FHIT: variants seen among roughly 807,000 people sequenced by gnomAD.
The protein encoded by FHIT is fragile histidine triad diadenosine triphosphatase.
Under a neutral mutation model 17.9 loss-of-function variants are expected in FHIT, and 19 were observed. The observed-to-expected ratio is 1.06, with a 90% CI of 0.74 to 1.56. The LOEUF is 1.56. FHIT is among the 40% of genes most tolerant of loss of function. The probability of loss-of-function intolerance (pLI) is 0.00; values close to 1 mark genes in which losing one functional copy is unlikely to be tolerated. For missense variants in FHIT, 248 were observed against 189.2 expected, an observed-to-expected ratio of 1.31 and a Z score of -1.82; for synonymous variants, 81 against 69.7, an observed-to-expected ratio of 1.16 and a Z score of -0.81.
intron 4 of FHIT, among the ~76,000 whole-genome samples, chr3:60,784,528 G>A (rs541779118): frequency 1.3e-5 from 2 of 152,214 alleles, no homozygotes; most frequent in East Asian, 3.9e-4. Context: ...TAGAGATGGG[G>A]TTTTGCCATG....
intron 5 of FHIT, among the ~76,000 whole-genome samples, chr3:60,163,725 G>A (rs887575888): frequency 1.7e-4 from 26 of 152,094 alleles, no homozygotes; most frequent in African/African-American, 6.0e-4. Flanking sequence ...GGTCTGCACC[G>A]AGCATCATGG....
At chr3:60,821,683 G>C (rs1553739391) in intron 4 of FHIT, among the ~76,000 whole-genome samples, 1 of 152,128 alleles carries the variant, frequency 6.6e-6, no homozygotes, top group East Asian at 1.9e-4. Context: ...AGAAAGTGAA[G>C]TCATCATTCT....
At chr3:61,219,349 G>A (rs58820408) in intron 1 of FHIT, among the ~76,000 whole-genome samples, 3 of 132,532 alleles carry the variant, frequency 2.3e-5, no homozygotes, top group East Asian at 2.1e-4. Flanking sequence ...GTGTGTGTGT[G>A]TGTGTGTGTG....
intron 5 of FHIT, among the ~76,000 whole-genome samples, chr3:60,358,378 AAGGATG>A (rs1184090956): frequency 2.0e-5 from 3 of 152,166 alleles, no homozygotes; most frequent in South Asian, 4.1e-4. Context: ...AATTGAAACC[AAGGATG>A]GACTACAGTC....
intron 8 of FHIT, among the ~76,000 whole-genome samples, chr3:59,757,886 AC>A (rs779437399): frequency 2.6e-5 from 4 of 152,170 alleles, no homozygotes; most frequent in Non-Finnish European, 5.9e-5. Flanking sequence ...TTTCTATTCA[AC>A]CAAGTTTTGA....
At chr3:59,858,304 C>G (rs612947) in intron 8 of FHIT, among the ~76,000 whole-genome samples, 78,995 of 143,296 alleles carry the variant, frequency 0.55, 22,861 homozygotes, top group African/African-American at 0.75. Flanking sequence ...TCGGCTCACT[C>G]CAACCTCCAC....
At chr3:59,920,886 G>C (rs1240646907) in intron 8 of FHIT, among the ~76,000 whole-genome samples, 1 of 152,146 alleles carries the variant, frequency 6.6e-6, no homozygotes, top group Non-Finnish European at 1.5e-5. Flanking sequence ...AAATGGCTTT[G>C]TAAAACCCAG....
At chr3:61,031,105 A>C (rs1439889140) in intron 3 of FHIT, among the ~76,000 whole-genome samples, 2 of 152,208 alleles carry the variant, frequency 1.3e-5, no homozygotes, top group African/African-American at 4.8e-5. Context: ...CTCGTTCAGC[A>C]AAAAATGACT....
At chr3:59,861,173 A>G (rs958162920) in intron 8 of FHIT, among the ~76,000 whole-genome samples, 2 of 152,168 alleles carry the variant, frequency 1.3e-5, no homozygotes, top group African/African-American at 4.8e-5. Context: ...ATATAGGGTA[A>G]GTGCAATCTA....
At chr3:60,460,232 A>G (rs1365662104) in intron 5 of FHIT, among the ~76,000 whole-genome samples, 1 of 152,214 alleles carries the variant, frequency 6.6e-6, no homozygotes, top group Non-Finnish European at 1.5e-5. Context: ...AAACATTAAA[A>G]TTAGGGAAAG....
chr3:60,608,007 A>T (rs2038662782), intron 4 of FHIT, among the ~76,000 whole-genome samples: 1 of 152,130 alleles, frequency 6.6e-6, no homozygotes, highest in Admixed American at 6.5e-5. Context: ...ATCTTCTCTC[A>T]ATGAGTGAGG....
chr3:60,288,696 TAA>T (rs527867350), intron 5 of FHIT, among the ~76,000 whole-genome samples: 299 of 151,382 alleles, frequency 2.0e-3, no homozygotes, highest in African/African-American at 6.9e-3. Flanking sequence ...ATCATACTTT[TAA>T]AAAAAAGTAC....
intron 3 of FHIT, among the ~76,000 whole-genome samples, chr3:60,942,377 A>G (rs1351575902): frequency 1.3e-5 from 2 of 152,218 alleles, no homozygotes; most frequent in Non-Finnish European, 2.9e-5. Flanking sequence ...ATCTCTAGTC[A>G]TGACACTAGC....
chr3:60,243,147 G>A (rs1470155832), intron 5 of FHIT, among the ~76,000 whole-genome samples: 2 of 151,890 alleles, frequency 1.3e-5, no homozygotes, highest in Non-Finnish European at 2.9e-5. Flanking sequence ...TTGGGAGGGT[G>A]GTCTATGATT....
chr3:60,146,576 G>C lies in FHIT; in HGVS notation c.104-132424C>G, dbSNP rs1389768677. Among the ~76,000 whole-genome samples, 4 of 152,268 alleles carry C rather than the reference G, an allele frequency of 2.6e-5. No individual in the cohort carries two copies. The East Asian group carries it at 7.7e-4, about 29-fold the overall frequency. On this transcript the variant is annotated intron_variant, in intron 5 of 9. Coordinates refer to ENST00000492590, the MANE Select transcript of FHIT (RefSeq NM_002012.4). ...TCTTAAAACTAAACATTACCACAGA[G>C]GAATGAAGTATTCTGATCACCCAGT...
intron 8 of FHIT, among the ~76,000 whole-genome samples, chr3:59,798,106 G>A (rs1699852049): frequency 6.6e-6 from 1 of 152,140 alleles, no homozygotes; most frequent in African/African-American, 2.4e-5. Flanking sequence ...TGGGAAACAT[G>A]CCAGAACCAT....
chr3:60,182,293 C>T (rs562106695), intron 5 of FHIT, among the ~76,000 whole-genome samples: 12 of 152,300 alleles, frequency 7.9e-5, no homozygotes, highest in African/African-American at 2.9e-4. Context: ...CTACAGGCCT[C>T]CTACCTCAAC....
chr3:60,197,719 T>C (rs1264829253), intron 5 of FHIT, among the ~76,000 whole-genome samples: 4 of 152,172 alleles, frequency 2.6e-5, no homozygotes, highest in African/African-American at 7.2e-5. Flanking sequence ...CATTTCTTCT[T>C]TGTATTGACT....
chr3:60,185,153 C>A (rs200546330), intron 5 of FHIT, among the ~76,000 whole-genome samples: 1 of 152,104 alleles, frequency 6.6e-6, no homozygotes, highest in Non-Finnish European at 1.5e-5. Flanking sequence ...GTTGCTCCCA[C>A]GGTTTATTCG....
Sources: gnomAD v4.1 joint callset for allele counts (sites outside exome capture counted in the v4.1 genomes callset) on GRCh38, gnomAD v4.1.1 for gene constraint, MANE v1.5 for transcripts, NCBI Gene and HGNC (gene_info 2026-07-23, HGNC 2026-07-21) for gene names.